PADI6: variants seen among roughly 807,000 people sequenced by gnomAD.
The protein encoded by PADI6 is inactive protein-arginine deiminase type-6.
PADI6 carries 66 observed loss-of-function variants against 78.2 expected under a neutral mutation model. The ratio of observed to expected loss-of-function variants is 0.84; its 90% CI spans 0.69 to 1.04. PADI6 has a LOEUF of 1.04. Ranked by LOEUF, PADI6 falls within the 50% of genes least tolerant of loss-of-function variation. The pLI, the probability that PADI6 is intolerant of heterozygous loss-of-function variation, is 0.00. For synonymous variants in PADI6, 397 were observed against 346.9 expected, an observed-to-expected ratio of 1.14 and a Z score of -1.60; for missense variants, 854 against 866.1, an observed-to-expected ratio of 0.99 and a Z score of 0.18.
chr1:17,390,667 C>T (rs12124893), intron 8 of PADI6, among the ~76,000 whole-genome samples: 52,295 of 151,168 alleles, frequency 0.35, 9,230 homozygotes, highest in South Asian at 0.39. Flanking sequence ...GACAGCTTTT[C>T]CAGGGCAGGG....
At chr1:17,397,728 A>G (rs2075260375) in intron 14 of PADI6, among the ~76,000 whole-genome samples, 1 of 152,086 alleles carries the variant, frequency 6.6e-6, no homozygotes, top group South Asian at 2.1e-4. Flanking sequence ...CTTACATATG[A>G]GGGTAGTGAG....
At chr1:17,381,216 G>A in intron 5 of PADI6, 52 bp downstream of exon 5, 1 of 1,450,020 alleles carries the variant, frequency 6.9e-7, no homozygotes, top group Non-Finnish European at 9.4e-7. Flanking sequence ...TTGCTGCCCT[G>A]CTTCTCAGCA....
intron 9 of PADI6, among the ~76,000 whole-genome samples, chr1:17,393,589 GCCT>G (rs2075213179): frequency 6.6e-6 from 1 of 152,156 alleles, no homozygotes; most frequent in South Asian, 2.1e-4. Context: ...TGCAGCCTCT[GCCT>G]CCTCCTGAGT....
At chr1:17,374,553 G>A (rs2100284682) in intron 2 of PADI6, among the ~76,000 whole-genome samples, 1 of 152,278 alleles carries the variant, frequency 6.6e-6, no homozygotes, top group Non-Finnish European at 1.5e-5. Flanking sequence ...TTGAACCCAG[G>A]AGGTGGAGGT....
chr1:17,381,824 T>G, intron 5 of PADI6, 143 bp from the exon 6 acceptor site: 1 of 902,078 alleles, frequency 1.1e-6, no homozygotes, highest in Non-Finnish European at 1.7e-6. Context: ...GAAATGGTAA[T>G]TCTTCGGGCC....
chr1:17,385,086 G>C (rs998421056), intron 6 of PADI6, among the ~76,000 whole-genome samples: 2 of 152,144 alleles, frequency 1.3e-5, no homozygotes, highest in Admixed American at 1.3e-4. Context: ...CAGGCTGGGC[G>C]TGGTGGCTCA....
At chr1:17,383,202 T>A (rs982034791) in intron 6 of PADI6, among the ~76,000 whole-genome samples, 2 of 152,236 alleles carry the variant, frequency 1.3e-5, no homozygotes, top group East Asian at 1.9e-4. Flanking sequence ...CATTGGAGAG[T>A]GTGCCCCTGC....
At position 17,399,807 on chromosome 1, in the gene PADI6, G is replaced by GT. The variant is rs569637371; in HGVS notation, c.1851+961dup. ...AATCTCAGCACTTTGGGAGGCTGAG[G>GT]TGGGTGGATCACTTGAAGTCTGAAG... On this transcript the variant is annotated intron_variant, in intron 15 of 15. Transcript: ENST00000619609. 4.3e-3 allele frequency among the ~76,000 whole-genome samples: 651 copies of GT among 152,138 alleles called. 3 individuals are homozygous for GT. Among genetic ancestry groups the GT allele is most frequent in the African/African-American group, 0.015 (614 of 41,494 alleles).
chr1:17,387,287 T>C (rs2075129200), intron 6 of PADI6, among the ~76,000 whole-genome samples: 1 of 151,558 alleles, frequency 6.6e-6, no homozygotes, highest in African/African-American at 2.4e-5. Flanking sequence ...CTACTAAAAA[T>C]ACAAAAAACT....
chr1:17,380,263 G>A (rs563583599), intron 4 of PADI6, among the ~76,000 whole-genome samples: 2 of 152,158 alleles, frequency 1.3e-5, no homozygotes, highest in Non-Finnish European at 2.9e-5. Context: ...AGGCTGGAGT[G>A]CAGTGGCATG....
At chr1:17,387,939 G>T (rs1468454022) in intron 6 of PADI6, among the ~76,000 whole-genome samples, 1 of 152,146 alleles carries the variant, frequency 6.6e-6, no homozygotes, top group Non-Finnish European at 1.5e-5. Context: ...CCAATAAATG[G>T]TTCTCACTGA....
intron 11 of PADI6, among the ~76,000 whole-genome samples, 169 bp from the exon 12 acceptor site, chr1:17,394,782 C>T (rs905559438): frequency 6.6e-6 from 1 of 152,160 alleles, no homozygotes; most frequent in Non-Finnish European, 1.5e-5. Flanking sequence ...AGGCTCTGTT[C>T]TGAGTGGGGT....
chr1:17,380,044 C>T (rs1479169540), intron 4 of PADI6, 57 bp downstream of exon 4: 2 of 1,550,280 alleles, frequency 1.3e-6, no homozygotes, highest in Non-Finnish European at 1.8e-6. Context: ...AATCTGCCCA[C>T]AGGCTCACTT....
Position 17,381,033 on chromosome 1 carries a change from C to T in PADI6, c.436-14C>T, listed in dbSNP as rs1033060554. On this transcript the variant is annotated splice_polypyrimidine_tract_variant and intron_variant, in intron 4 of 15. Coordinates refer to ENST00000619609, the MANE Select transcript of PADI6 (RefSeq NM_207421.4). Reference sequence around the variant, plus strand: ...TGGCTCCTTCCTGAGCCAATGTTCCCATCTCATTTGCAGAAAAAATGGATC... The same window carrying T: ...TGGCTCCTTCCTGAGCCAATGTTCCTATCTCATTTGCAGAAAAAATGGATC... 18 of 1,575,284 alleles carry T rather than the reference C, an allele frequency of 1.1e-5. No individual in the cohort carries two copies. Among genetic ancestry groups the T allele is most frequent in the East Asian group, 6.9e-5 (3 of 43,180 alleles).
At chr1:17,388,756 C>T (rs373637223) in intron 7 of PADI6, 21 bp from the exon 8 acceptor site, 3 of 1,606,994 alleles carry the variant, frequency 1.9e-6, no homozygotes, top group East Asian at 2.2e-5. Flanking sequence ...AGGTTGCTAA[C>T]AGGACCTTGT....
chr1:17,392,209 T>G lies in PADI6; in HGVS notation c.1058T>G (p.Leu353Arg). ...VASVYEDPNR[L>R]GRWLQDEMAF... ...TCTGTCTATGAGGACCCCAACCGCC[T>G]GGGCAGGTGGCTCCAGGTAACACCC... Residue 353 changes from leucine to arginine, a missense_variant, in exon 9 of 16, where the codon CTG becomes CGG. Transcript: ENST00000619609. 6.4e-7 allele frequency: 1 copy of G among 1,555,634 alleles called. No homozygotes were observed. Among genetic ancestry groups the G allele is most frequent in the Non-Finnish European group, 8.7e-7 (1 of 1,149,346 alleles).
chr1:17,378,303 C>T (rs1481891636), intron 3 of PADI6, among the ~76,000 whole-genome samples: 3 of 152,204 alleles, frequency 2.0e-5, no homozygotes, highest in African/African-American at 7.2e-5. Flanking sequence ...ATGAGGTCTC[C>T]GTCTTGCACG....
chr1:17,396,736 G>A (rs1003444259), intron 13 of PADI6, among the ~76,000 whole-genome samples: 1 of 152,234 alleles, frequency 6.6e-6, no homozygotes, highest in Non-Finnish European at 1.5e-5. Flanking sequence ...GAAAGTGCCA[G>A]GTTGTATTGG....
Position 17,398,654 on chromosome 1 carries a change from G to GCCCCCCCCCCCC in PADI6, c.1690-21_1690-20insCCCCCCCCCCCC. 13 of 173,476 alleles carry GCCCCCCCCCCCC rather than the reference G, an allele frequency of 7.5e-5. 1 individual carries two copies. Among genetic ancestry groups the GCCCCCCCCCCCC allele is most frequent in the South Asian group, 2.0e-4 (4 of 19,736 alleles). The allele number at this position is 173,476 out of a possible 1,614,324, so 10.7% of individuals were successfully genotyped here. A position where few individuals can be genotyped will look rare whatever the true frequency, so the allele number is the denominator to read the frequency against. ...CCTGATGAGCTCTCCTTGCTCCCCC[G>GCCCCCCCCCCCC]CCCCCCCCCCCACCCACCCACCCAC... On this transcript the variant is annotated intron_variant, in intron 14 of 15. Coordinates refer to ENST00000619609, the MANE Select transcript of PADI6 (RefSeq NM_207421.4).
Sources: allele counts gnomAD v4.1 joint callset (sites outside exome capture counted in the v4.1 genomes callset), GRCh38; gene constraint gnomAD v4.1.1; transcripts MANE v1.5; gene names NCBI Gene and HGNC (gene_info 2026-07-23, HGNC 2026-07-21).